SLC25A26: variants seen among roughly 807,000 people sequenced by gnomAD.
SLC25A26 encodes mitochondrial S-adenosylmethionine carrier protein.
In SLC25A26, 36 loss-of-function variants were observed where a neutral mutation model predicts 37.8. The ratio of observed to expected loss-of-function variants is 0.95; its 90% CI spans 0.73 to 1.26. SLC25A26 has a LOEUF of 1.26. Ranked by LOEUF, SLC25A26 falls within the 50% of genes most tolerant of loss-of-function variation. The pLI is 0.00. For missense variants in SLC25A26, 390 were observed against 331.1 expected, an observed-to-expected ratio of 1.18 and a Z score of -1.38; for synonymous variants, 129 against 122.5, an observed-to-expected ratio of 1.05 and a Z score of -0.35.
At chr3:66,254,466 A>G (rs982051711) in intron 3 of SLC25A26, among the ~76,000 whole-genome samples, 6 of 152,234 alleles carry the variant, frequency 3.9e-5, no homozygotes, top group Non-Finnish European at 8.8e-5. Flanking sequence ...TTGCTCTGGA[A>G]AGTCCAAAGC....
chr3:66,334,798 A>C (rs1202196159), intron 5 of SLC25A26, among the ~76,000 whole-genome samples: 1 of 152,176 alleles, frequency 6.6e-6, no homozygotes, highest in East Asian at 1.9e-4. Flanking sequence ...GCTAACATGT[A>C]ATGTGACTGG....
chr3:66,244,212 G>C (rs2072718966), intron 3 of SLC25A26, among the ~76,000 whole-genome samples: 1 of 152,082 alleles, frequency 6.6e-6, no homozygotes, highest in Non-Finnish European at 1.5e-5. Flanking sequence ...TTAATATTAG[G>C]AAAAAATACG....
chr3:66,302,901 A>G (rs1284919826), intron 5 of SLC25A26, among the ~76,000 whole-genome samples: 3 of 152,190 alleles, frequency 2.0e-5, no homozygotes, highest in African/African-American at 7.2e-5. Context: ...TCTCAGTGCT[A>G]GGGAGTCAGC....
intron 6 of SLC25A26, among the ~76,000 whole-genome samples, chr3:66,362,286 C>G (rs2076726223): frequency 6.6e-6 from 1 of 152,004 alleles, no homozygotes; most frequent in Middle Eastern, 3.2e-3. Flanking sequence ...TGGAAAAATC[C>G]CAAATGTCCA....
intron 1 of SLC25A26, among the ~76,000 whole-genome samples, chr3:66,208,651 C>G (rs945663037): frequency 1.3e-4 from 4 of 31,010 alleles, no homozygotes; most frequent in Non-Finnish European, 3.7e-4. Flanking sequence ...TACACACACA[C>G]CTTTATATGG....
chr3:66,319,249 T>G (rs2075625871), intron 5 of SLC25A26, among the ~76,000 whole-genome samples: 1 of 75,866 alleles, frequency 1.3e-5, no homozygotes, highest in African/African-American at 4.2e-5. Flanking sequence ...TATATAATTG[T>G]TTTTTTTTCT....
intron 1 of SLC25A26, among the ~76,000 whole-genome samples, chr3:66,142,136 T>A (rs1180606084): frequency 6.6e-6 from 1 of 152,186 alleles, no homozygotes; most frequent in Non-Finnish European, 1.5e-5. Flanking sequence ...TGGCAGTTAC[T>A]CCCCAACCCC....
rs531794795 is a variant in SLC25A26 at position 66,354,207 on chromosome 3, G to T, written c.498+7799G>T. Among the ~76,000 whole-genome samples, 22 of 151,558 alleles carry T rather than the reference G, an allele frequency of 1.5e-4. No individual in the cohort carries two copies. The South Asian group carries it at 2.7e-3, about 19-fold the overall frequency. On this transcript the variant is annotated intron_variant, in intron 6 of 9. Transcript: ENST00000354883. ...GTGTGAGACATCAGTTTATATTGCAGTGTGGAGAACTGTTAAGAATACTGT... is the reference window on the plus strand; with the variant it reads ...GTGTGAGACATCAGTTTATATTGCATTGTGGAGAACTGTTAAGAATACTGT...
At chr3:66,182,812 A>C (rs965169874) in intron 1 of SLC25A26, among the ~76,000 whole-genome samples, 10 of 151,684 alleles carry the variant, frequency 6.6e-5, no homozygotes, top group Admixed American at 1.3e-4. Context: ...TGCCTTTAGG[A>C]GGCTGGGACC....
At chr3:66,141,421 A>C (rs1481181209) in intron 1 of SLC25A26, among the ~76,000 whole-genome samples, 1 of 152,084 alleles carries the variant, frequency 6.6e-6, no homozygotes, top group Non-Finnish European at 1.5e-5. Context: ...AAATAATTGC[A>C]TAAGACAAAA....
chr3:66,300,347 C>A (rs571145319), intron 5 of SLC25A26, among the ~76,000 whole-genome samples: 1 of 149,204 alleles, frequency 6.7e-6, no homozygotes, highest in East Asian at 2.0e-4. Flanking sequence ...TTTGGGAGAC[C>A]TTTTGTAATG....
At position 66,236,679 on chromosome 3, in the gene SLC25A26, G is replaced by A; in HGVS notation, c.169G>A (p.Ala57Thr). ...AATATATGCTGGCGTTCCTTCTGCT[G>A]CTATTGGATCCTTTCCTAATGGTAA... is the stretch of plus-strand genomic sequence containing the variant. ...HGIYAGVPSAAIGSFPNAAAF... is the reference protein window; with the variant it reads ...HGIYAGVPSATIGSFPNAAAF... Residue 57 changes from alanine to threonine, a missense_variant, in exon 2 of 10, where the codon GCT becomes ACT. Physicochemically the swap from Ala to Thr is moderately conservative, Grantham distance 58. Transcript: ENST00000354883. 6.6e-7 allele frequency: 1 copy of A among 1,523,308 alleles called. No homozygotes were observed. The highest frequency in any genetic ancestry group is 1.2e-5 in the South Asian group (1 of 82,504). 94.4% of individuals were successfully genotyped at this position (1,523,308 alleles called of 1,614,324 possible).
rs768309823 is a variant in SLC25A26, at chr3:66,293,939, G to A, written c.453+30560G>A. Among the ~76,000 whole-genome samples, 191 of 152,286 alleles carry A rather than the reference G, an allele frequency of 1.3e-3. 7 individuals are homozygous for A. The highest frequency in any genetic ancestry group is 3.4e-3 in the Middle Eastern group (1 of 294). On this transcript the variant is annotated intron_variant, in intron 5 of 9. Transcript: ENST00000354883. ...TTGTAGCCCTGTAATAGAGCTTGAA[G>A]TCTGGTAGTGTGAGGCCTTTAAGTT...
intron 1 of SLC25A26, among the ~76,000 whole-genome samples, chr3:66,232,846 A>G (rs1265543969): frequency 6.6e-6 from 1 of 152,230 alleles, no homozygotes; most frequent in Non-Finnish European, 1.5e-5. Context: ...TTTGGATTTT[A>G]TGAAAATGAT....
chr3:66,141,997 T>A (rs1036925390), intron 1 of SLC25A26, among the ~76,000 whole-genome samples: 1 of 152,242 alleles, frequency 6.6e-6, no homozygotes, highest in African/African-American at 2.4e-5. Flanking sequence ...AGATGAAACT[T>A]GCATAACACA....
chr3:66,136,489 G>A lies in SLC25A26; in HGVS notation c.-354+2505G>A, dbSNP rs570515780. On this transcript the variant is annotated intron_variant, in intron 1 of 10. Coordinates refer to the SLC25A26 transcript ENST00000676754. Reference sequence around the variant, plus strand: ...ATAGCTTAGCTGGATTTGAATCCATGTCTATTTCATTTCTAAAATGGTATT... The same window carrying A: ...ATAGCTTAGCTGGATTTGAATCCATATCTATTTCATTTCTAAAATGGTATT... 1.2e-3 allele frequency among the ~76,000 whole-genome samples: 180 copies of A among 152,324 alleles called. 1 individual carries two copies. The highest frequency in any genetic ancestry group is 4.2e-3 in the African/African-American group (174 of 41,580).
intron 5 of SLC25A26, among the ~76,000 whole-genome samples, chr3:66,263,634 C>T (rs1471553153): frequency 6.6e-6 from 1 of 151,660 alleles, no homozygotes; most frequent in Non-Finnish European, 1.5e-5. Flanking sequence ...TCTAGGGTGG[C>T]TAAATGTCTC....
chr3:66,248,779 G>A (rs1305418429), intron 3 of SLC25A26, among the ~76,000 whole-genome samples: 2 of 152,158 alleles, frequency 1.3e-5, no homozygotes, highest in East Asian at 1.9e-4. Flanking sequence ...ATGTTTTTCT[G>A]ACAGCCTCTA....
chr3:66,148,872 G>A (rs927064791), intron 1 of SLC25A26, among the ~76,000 whole-genome samples: 5 of 152,110 alleles, frequency 3.3e-5, no homozygotes, highest in African/African-American at 4.8e-5. Context: ...TAAACTTTAC[G>A]TGTCTACCAG....
Sources: allele counts gnomAD v4.1 joint callset (sites outside exome capture counted in the v4.1 genomes callset), GRCh38; gene constraint gnomAD v4.1.1; transcripts MANE v1.5; gene names NCBI Gene and HGNC (gene_info 2026-07-23, HGNC 2026-07-21).